PAK4: variants seen among roughly 807,000 people sequenced by gnomAD.
PAK4 encodes p21 (RAC1) activated kinase 4, also known as serine/threonine-protein kinase PAK 4.
In PAK4, 49 loss-of-function variants were observed where a neutral mutation model predicts 53.5. The ratio of observed to expected loss-of-function variants is 0.92; its 90% CI spans 0.73 to 1.16. PAK4 has a LOEUF of 1.16. Among genes scored for constraint, PAK4 ranks in the 50% most tolerant of loss-of-function variants. PAK4 has a pLI of 0.00. For synonymous variants in PAK4, 376 were observed against 375.6 expected, an observed-to-expected ratio of 1.00 and a Z score of -0.01; for missense variants, 824 against 850.7, an observed-to-expected ratio of 0.97 and a Z score of 0.39.
At chr19:39,137,094 T>G (rs1340959015) in intron 1 of PAK4, among the ~76,000 whole-genome samples, 1 of 152,220 alleles carries the variant, frequency 6.6e-6, no homozygotes, top group African/African-American at 2.4e-5. Flanking sequence ...TTCCTGGACA[T>G]TCCTGAAGTT....
intron 1 of PAK4, among the ~76,000 whole-genome samples, chr19:39,141,516 A>G (rs2073909287): frequency 6.6e-6 from 1 of 151,890 alleles, no homozygotes; most frequent in East Asian, 1.9e-4. Context: ...GAGTCTCACC[A>G]TATTGATCAG....
chr19:39,178,552 C>T lies in PAK4; in HGVS notation c.1749C>T (p.Pro583=). 3.7e-6 allele frequency: 6 copies of T among 1,608,772 alleles called. No individual in the cohort carries two copies. Among genetic ancestry groups the T allele is most frequent in the African/African-American group, 1.3e-5 (1 of 74,896 alleles). Residue 583 remains proline, a synonymous_variant, in exon 9 of 9, where the codon CCC becomes CCT. Transcript: ENST00000358301. This position sits in a 1 kb window ranked among gnomAD's most constrained non-coding sequence, Gnocchi z 4.4. ...CAGGGCCGCCTGCCAGCATCGTGCC[C>T]CTCATGCGCCAGAACCGCACCAGAT... is the stretch of plus-strand genomic sequence containing the variant.
chr19:39,175,479 C>T lies in PAK4; in HGVS notation c.1359+41C>T, dbSNP rs774468000. The T allele has an allele frequency of 2.4e-5, 37 of 1,561,910 alleles. No homozygotes were observed. The highest frequency in any genetic ancestry group is 3.7e-5 in the Admixed American group (2 of 54,160). On this transcript the variant is annotated intron_variant, in intron 6 of 8. Coordinates refer to ENST00000358301, the Ensembl canonical transcript of PAK4. The surrounding 1 kb of genome is among the most constrained non-coding windows in gnomAD (Gnocchi z 4.7). Reference sequence around the variant, plus strand: ...GCGGGGTACGGGGGCGGCAGGTTTCCGGCTGCGGGGCTTCCCTGCCTCTTC... The same window carrying T: ...GCGGGGTACGGGGGCGGCAGGTTTCTGGCTGCGGGGCTTCCCTGCCTCTTC...
chr19:39,137,795 T>A (rs1172798260), intron 1 of PAK4, among the ~76,000 whole-genome samples: 2 of 148,986 alleles, frequency 1.3e-5, no homozygotes, highest in Admixed American at 6.8e-5. Flanking sequence ...GCCTCCGGAG[T>A]AGCTGGGACT....
Position 39,164,022 on chromosome 19 carries a change from A to G in PAK4, c.-22-5510A>G, listed in dbSNP as rs184074817. 6.6e-5 allele frequency among the ~76,000 whole-genome samples: 10 copies of G among 152,278 alleles called. No homozygotes were observed. In the East Asian group the frequency reaches 1.9e-3, roughly 29 times the overall value. ...CTGGGCCCGGTGGCTCACGCCTGTA[A>G]TCCCAACACTTTGGGAGGCTGAGGC... On this transcript the variant is annotated intron_variant, in intron 1 of 8. Transcript: ENST00000358301.
chr19:39,138,429 G>A (rs910302023), intron 1 of PAK4, among the ~76,000 whole-genome samples: 4 of 152,212 alleles, frequency 2.6e-5, no homozygotes, highest in African/African-American at 4.8e-5. Flanking sequence ...ACGTGTGCTC[G>A]TGCGCACACA....
At chr19:39,174,046 T>TGGC in intron 4 of PAK4, 36 bp downstream of exon 5, 1 of 1,314,704 alleles carries the variant, frequency 7.6e-7, no homozygotes, top group Non-Finnish European at 1.0e-6. Flanking sequence ...CTGCTGGTCC[T>TGGC]CCCACCCCTC....
At position 39,165,494 on chromosome 19, in the gene PAK4, G is replaced by A. The variant is rs911487911; in HGVS notation, c.-22-4038G>A. 1.2e-4 allele frequency among the ~76,000 whole-genome samples: 18 copies of A among 146,128 alleles called. 1 individual carries two copies. Among genetic ancestry groups the A allele is most frequent in the African/African-American group, 4.3e-4 (17 of 39,662 alleles). ...TGCACCACTGCACTCCAGCCTGGGC[G>A]ACAGAGCAAGACTCCCTCTCAAAAT... On this transcript the variant is annotated intron_variant, in intron 1 of 8. Transcript: ENST00000358301.
chr19:39,136,023 C>A (rs2073808206), intron 1 of PAK4, among the ~76,000 whole-genome samples: 1 of 137,516 alleles, frequency 7.3e-6, no homozygotes, highest in South Asian at 2.9e-4. Context: ...CGTCACCCCC[C>A]TTCCTCGCCA....
intron 1 of PAK4, among the ~76,000 whole-genome samples, chr19:39,160,381 G>C (rs1191921490): frequency 6.6e-6 from 1 of 152,208 alleles, no homozygotes; most frequent in African/African-American, 2.4e-5. Flanking sequence ...ACAGGTCCCT[G>C]CCCTCAGGGC....
chr19:39,140,392 CA>C (rs1459800141), intron 1 of PAK4, among the ~76,000 whole-genome samples: 2 of 152,182 alleles, frequency 1.3e-5, no homozygotes, highest in East Asian at 3.9e-4. Flanking sequence ...ATCTGACTGA[CA>C]GTCCAAGGGT....
intron 1 of PAK4, among the ~76,000 whole-genome samples, chr19:39,153,974 G>T (rs566707974): frequency 1.4e-4 from 22 of 152,162 alleles, no homozygotes; most frequent in African/African-American, 5.3e-4. Context: ...CTTTTGCCTG[G>T]CTTTGAACCT....
In PAK4 at chr19:39,175,161, C is replaced by T. The variant is rs1375709474; in HGVS notation, c.1232+97C>T. 1.3e-5 allele frequency: 19 copies of T among 1,509,594 alleles called. No homozygotes were observed. The highest frequency in any genetic ancestry group is 4.5e-5 in the East Asian group (2 of 44,024). The allele number at this position is 1,509,594 out of a possible 1,614,324, so 93.5% of individuals were successfully genotyped here. ...ATCTCCAAACCAGCTGTGCTCCGGG[C>T]CCCTGGGATGGGGTCGTGTCTTCCA... On this transcript the variant is annotated intron_variant, in intron 5 of 8. Coordinates refer to ENST00000358301, the Ensembl canonical transcript of PAK4. The surrounding 1 kb of genome is among the most constrained non-coding windows in gnomAD (Gnocchi z 4.7).
At chr19:39,171,732 A>C (rs1028430289) in intron 2 of PAK4, among the ~76,000 whole-genome samples, 3 of 152,058 alleles carry the variant, frequency 2.0e-5, no homozygotes, top group Non-Finnish European at 2.9e-5. Context: ...AGTGTTTTCC[A>C]CACATTAGAG....
At chr19:39,135,452 C>T (rs1361915508) in intron 1 of PAK4, among the ~76,000 whole-genome samples, 1 of 151,326 alleles carries the variant, frequency 6.6e-6, no homozygotes, top group Non-Finnish European at 1.5e-5. Context: ...TCTCCTCCCT[C>T]ACCCCCTCAA....
At chr19:39,172,539 A>T (rs2074501914) in intron 2 of PAK4, among the ~76,000 whole-genome samples, 1 of 152,090 alleles carries the variant, frequency 6.6e-6, no homozygotes, top group South Asian at 2.1e-4. Context: ...CCCTGGCCCC[A>T]GCGCCCTGTC....
At chr19:39,152,502 G>A (rs893942002) in intron 1 of PAK4, 1 of 152,164 alleles carries the variant, frequency 6.6e-6, no homozygotes, top group East Asian at 1.9e-4. Context: ...TGAAAAAGGG[G>A]AAAGTATTGA....
At chr19:39,147,732 A>C (rs956178125) in intron 1 of PAK4, among the ~76,000 whole-genome samples, 3 of 151,798 alleles carry the variant, frequency 2.0e-5, no homozygotes, top group African/African-American at 7.3e-5. Flanking sequence ...TCTAATGGTA[A>C]TGATGTTGAT....
chr19:39,134,616 T>G (rs2073776508), intron 1 of PAK4, among the ~76,000 whole-genome samples: 1 of 152,044 alleles, frequency 6.6e-6, no homozygotes, highest in East Asian at 1.9e-4. Context: ...TTTTTTTTCT[T>G]TGACACAGAG....
Sources: allele counts gnomAD v4.1 joint callset (sites outside exome capture counted in the v4.1 genomes callset), GRCh38; gene constraint gnomAD v4.1.1; non-coding constraint Gnocchi (gnomAD v3.1); transcripts MANE v1.5; gene names NCBI Gene and HGNC (gene_info 2026-07-23, HGNC 2026-07-21).